Variants in PRKX observed in about 807,000 individuals in gnomAD.
PRKX encodes the protein cAMP-dependent protein kinase catalytic subunit PRKX.
A neutral mutation model predicts 22.0 loss-of-function variants in PRKX; 12 were observed. That is an observed-to-expected ratio of 0.54 (90% CI 0.35 to 0.88). The LOEUF (loss-of-function observed/expected upper bound fraction) is 0.88, where lower values mean the gene tolerates loss of function less well. Among genes scored for constraint, PRKX ranks in the 40% least tolerant of loss-of-function variants. The pLI is 0.01. For missense variants in PRKX, 217 were observed against 308.0 expected, an observed-to-expected ratio of 0.70 and a Z score of 2.21; for synonymous variants, 134 against 137.7, an observed-to-expected ratio of 0.97 and a Z score of 0.19.
At chrX:3,689,907 G>A (rs1928284189) in intron 1 of PRKX, among the ~76,000 whole-genome samples, 1 of 110,768 alleles carries the variant, frequency 9.0e-6, no homozygotes, top group Non-Finnish European at 1.9e-5. Context: ...AACCCGGGAG[G>A]CAGAGCTTGC....
intron 2 of PRKX, among the ~76,000 whole-genome samples, chrX:3,664,103 C>T (rs1927669837): frequency 1.8e-5 from 2 of 111,969 alleles, no homozygotes; most frequent in African/African-American, 6.5e-5. Context: ...CACTGCCTTG[C>T]ACAGCTGAGC....
intron 2 of PRKX, among the ~76,000 whole-genome samples, chrX:3,658,211 G>A (rs1369221051): frequency 1.4e-4 from 16 of 110,994 alleles, no homozygotes; most frequent in Non-Finnish European, 3.8e-5. Flanking sequence ...GGCCGGTCTC[G>A]AACTCCTGAC....
chrX:3,706,058 C>A (rs1928678800), intron 1 of PRKX, among the ~76,000 whole-genome samples: 1 of 106,814 alleles, frequency 9.4e-6, no homozygotes, highest in Non-Finnish European at 1.9e-5. Context: ...TAAGATATAT[C>A]TCTCACTCTT....
chrX:3,697,265 G>A (rs1261149359), intron 1 of PRKX, among the ~76,000 whole-genome samples: 1 of 110,369 alleles, frequency 9.1e-6, no homozygotes, highest in Non-Finnish European at 1.9e-5. Flanking sequence ...ACTCGGGAAG[G>A]CGCGGCACGA....
In PRKX at chrX:3,612,415, C is replaced by T. The variant is rs766337483; in HGVS notation, c.952-90G>A. ...ACACCGCTTTATTTCTGTCACTGTA[C>T]CTAAAAATGAAAATGATTTGCAAAA... On this transcript the variant is annotated intron_variant, in intron 7 of 8. Coordinates refer to ENST00000262848, the MANE Select transcript of PRKX (RefSeq NM_005044.5). 7.1e-5 allele frequency: 69 copies of T among 970,617 alleles called. 1 individual carries two copies. The African/African-American group carries it at 1.2e-3, about 17-fold the overall frequency. The allele number at this position is 970,617 out of a possible 1,213,427, so 80.0% of individuals were successfully genotyped here.
At chrX:3,689,753 G>A (rs183469308) in intron 1 of PRKX, among the ~76,000 whole-genome samples, 1,453 of 111,774 alleles carry the variant, frequency 0.013, 24 homozygotes, top group African/African-American at 0.042. Context: ...CAAGGCGGGC[G>A]GATCACAAGG....
chrX:3,665,128 A>ATG (rs201533033), intron 2 of PRKX, among the ~76,000 whole-genome samples: 3 of 111,316 alleles, frequency 2.7e-5, no homozygotes, highest in Non-Finnish European at 5.7e-5. Flanking sequence ...GTGTGCGTGC[A>ATG]TGTGTGTGTG....
At chrX:3,654,967 C>T (rs1034677299) in intron 3 of PRKX, among the ~76,000 whole-genome samples, 182 bp downstream of exon 3, 15 of 111,004 alleles carry the variant, frequency 1.4e-4, no homozygotes, top group African/African-American at 4.3e-4. Flanking sequence ...TGCCAGCAAT[C>T]GCAGCCCACC....
chrX:3,655,033 A>C, intron 3 of PRKX, 116 bp downstream of exon 3: 1 of 1,035,597 alleles, frequency 9.7e-7, no homozygotes, highest in South Asian at 2.1e-5. Flanking sequence ...AGTGTCTCCT[A>C]CACATGAGAG....
Position 3,713,132 on chromosome X carries a change from G to C in PRKX, c.122C>G (p.Pro41Arg). 8.6e-7 allele frequency: 1 copy of C among 1,156,231 alleles called. No homozygotes were observed. The highest frequency in any genetic ancestry group is 1.9e-5 in the South Asian group (1 of 52,385). ...CPSPEALSPE[P>R]PVYSLQDFDT... Reference sequence around the variant, plus strand: ...AAAGTCCTGCAGGCTGTACACAGGCGGCTCCGGCGACAGCGCCTCAGGGCT... The same window carrying C: ...AAAGTCCTGCAGGCTGTACACAGGCCGCTCCGGCGACAGCGCCTCAGGGCT... Residue 41 changes from proline (P) to arginine (R), a missense_variant, in exon 1 of 9, where the codon CCG (proline) becomes CGG (arginine). By Grantham distance (103) the Pro-to-Arg change is moderately radical. Transcript: ENST00000262848.
At chrX:3,712,673 G>T (rs1928815592) in intron 1 of PRKX, among the ~76,000 whole-genome samples, 1 of 112,374 alleles carries the variant, frequency 8.9e-6, no homozygotes, top group South Asian at 3.7e-4. Context: ...CTGGCCTAGG[G>T]GAGGCCTGCA....
At position 3,618,044 on chromosome X, in the gene PRKX, G is replaced by C. The variant is rs371995706; in HGVS notation, c.874-2152C>G. Among the ~76,000 whole-genome samples the C allele has an allele frequency of 3.2e-3, 216 of 67,859 alleles. 1 individual carries two copies. Among genetic ancestry groups the C allele is most frequent in the African/African-American group, 0.013 (210 of 15,731 alleles). 58.9% of individuals were successfully genotyped at this position (67,859 alleles called of 115,157 possible). On this transcript the variant is annotated intron_variant, in intron 6 of 8. Transcript: ENST00000262848. ...GGCTCACTGCAACCTCCGCCTTGCT[G>C]TGTCTCAAAAAAAAAAAAAAAAAAG...
chrX:3,687,040 G>C (rs765675482), intron 1 of PRKX, among the ~76,000 whole-genome samples: 134 of 110,518 alleles, frequency 1.2e-3, no homozygotes, highest in African/African-American at 4.3e-3. Context: ...TTTTTTTTAA[G>C]AGACAGGTCT....
At chrX:3,617,190 C>T (rs1365130372) in intron 6 of PRKX, among the ~76,000 whole-genome samples, 1 of 109,393 alleles carries the variant, frequency 9.1e-6, no homozygotes, top group Non-Finnish European at 1.9e-5. Context: ...ATTAAATATA[C>T]ACATACTTAT....
chrX:3,652,397 G>A lies in PRKX; in HGVS notation c.599+2752C>T, dbSNP rs768211380. On this transcript the variant is annotated intron_variant, in intron 3 of 8. Coordinates refer to ENST00000262848, the MANE Select transcript of PRKX (RefSeq NM_005044.5). ...CATGCCACTATACTCCAGCCTGGGC[G>A]ACAGAGCCAGACTCCATCTCAAAAA... 2.2e-3 allele frequency among the ~76,000 whole-genome samples: 224 copies of A among 102,443 alleles called. 1 individual carries two copies. The highest frequency in any genetic ancestry group is 3.7e-3 in the Non-Finnish European group (186 of 50,705). 89.0% of individuals were successfully genotyped at this position (102,443 alleles called of 115,157 possible).
chrX:3,657,767 G>C (rs777301967), intron 2 of PRKX, among the ~76,000 whole-genome samples: 10 of 111,655 alleles, frequency 9.0e-5, no homozygotes, highest in Non-Finnish European at 1.7e-4. Flanking sequence ...TCCTTACAAA[G>C]GTGTTGATTA....
At chrX:3,676,179 A>G (rs113602593) in intron 1 of PRKX, among the ~76,000 whole-genome samples, 2,541 of 111,914 alleles carry the variant, frequency 0.023, 72 homozygotes, top group African/African-American at 0.078. Context: ...AGAGATGAGC[A>G]ACTAAAACAA....
At chrX:3,651,309 T>C (rs1927329167) in intron 3 of PRKX, among the ~76,000 whole-genome samples, 1 of 112,099 alleles carries the variant, frequency 8.9e-6, no homozygotes, top group Admixed American at 9.6e-5. Flanking sequence ...ATAGATATGA[T>C]GAATTAACTG....
chrX:3,696,493 C>G (rs1448808355), intron 1 of PRKX, among the ~76,000 whole-genome samples: 6 of 112,090 alleles, frequency 5.4e-5, no homozygotes, highest in Non-Finnish European at 1.1e-4. Context: ...TAACGTGAAG[C>G]CTAGTTTACA....
Sources: allele counts gnomAD v4.1 joint callset (sites outside exome capture counted in the v4.1 genomes callset), GRCh38; gene constraint gnomAD v4.1.1; transcripts MANE v1.5; gene names NCBI Gene and HGNC (gene_info 2026-07-23, HGNC 2026-07-21).